The following KDM4C variants were observed in gnomAD, a reference collection of about 807,000 sequenced individuals.
The protein encoded by KDM4C is lysine-specific demethylase 4C.
KDM4C carries 81 observed loss-of-function variants against 129.3 expected under a neutral mutation model. The observed-to-expected ratio is 0.63, with a 90% CI of 0.52 to 0.75. The LOEUF (loss-of-function observed/expected upper bound fraction) is 0.75, where lower values mean the gene tolerates loss of function less well. Among genes scored for constraint, KDM4C ranks in the 30% least tolerant of loss-of-function variants. The probability of loss-of-function intolerance (pLI) is 0.00; values close to 1 mark genes in which losing one functional copy is unlikely to be tolerated. For missense variants in KDM4C, 1,457 were observed against 1,304.0 expected, an observed-to-expected ratio of 1.12 and a Z score of -1.81; for synonymous variants, 573 against 456.1, an observed-to-expected ratio of 1.26 and a Z score of -3.26.
In KDM4C at chr9:7,103,687, A is replaced by G; in HGVS notation, c.2427A>G (p.Lys809=). The G allele has an allele frequency of 6.2e-7, 1 of 1,613,252 alleles. No homozygotes were observed. The highest frequency in any genetic ancestry group is 1.7e-5 in the Admixed American group (1 of 59,970). The part of the protein sequence containing the change: ...GRIPLQRLKL[K]CIFCRHRVKR... ...TCTTCTCTGTTTTAACCTTCCAGAA[A>G]TGCATCTTCTGCAGACACCGGGTTA... The change falls in exon 18 of 22, where the codon AAA becomes AAG. Residue 809 remains lysine, a splice_region_variant and synonymous_variant. Transcript: ENST00000381309.
intron 12 of KDM4C, among the ~76,000 whole-genome samples, chr9:7,008,630 A>G (rs150089139): frequency 3.7e-4 from 57 of 152,278 alleles, no homozygotes; most frequent in African/African-American, 1.3e-3. Flanking sequence ...ATCCCTGTGG[A>G]TGCAGTTGAC....
chr9:6,774,611 G>A (rs1408574554), intron 1 of KDM4C, among the ~76,000 whole-genome samples: 3 of 152,194 alleles, frequency 2.0e-5, no homozygotes, highest in South Asian at 2.1e-4. Context: ...ATTGCAGTAA[G>A]CTGAGACTGT....
intron 19 of KDM4C, among the ~76,000 whole-genome samples, chr9:7,137,352 C>T (rs750847254): frequency 1.1e-4 from 17 of 152,190 alleles, no homozygotes; most frequent in Non-Finnish European, 2.1e-4. Flanking sequence ...AAAATATAAA[C>T]ATTATGAAAA....
intron 18 of KDM4C, chr9:7,104,409 G>C (rs954267077): frequency 2.0e-5 from 3 of 152,478 alleles, no homozygotes; most frequent in African/African-American, 7.2e-5. Context: ...ATATGTGAGG[G>C]ACAGCCTGGG....
At chr9:6,948,773 A>C (rs539053115) in intron 8 of KDM4C, among the ~76,000 whole-genome samples, 3,021 of 152,174 alleles carry the variant, frequency 0.02, 36 homozygotes, top group Middle Eastern at 0.034. Context: ...TGGACACAGC[A>C]CATGTTTCAG....
intron 20 of KDM4C, among the ~76,000 whole-genome samples, chr9:7,166,724 A>G (rs1267050441): frequency 3.3e-5 from 5 of 152,204 alleles, no homozygotes; most frequent in African/African-American, 7.2e-5. Flanking sequence ...TAGCAAAGCC[A>G]TTTGCTACAT....
chr9:7,023,751 T>C (rs2132281669), intron 15 of KDM4C, among the ~76,000 whole-genome samples: 1 of 152,282 alleles, frequency 6.6e-6, no homozygotes, highest in Middle Eastern at 3.4e-3. Flanking sequence ...TTCTTCTTTT[T>C]TTATATAAGC....
chr9:7,032,462 G>T (rs1359859644), intron 15 of KDM4C, among the ~76,000 whole-genome samples: 1 of 152,212 alleles, frequency 6.6e-6, no homozygotes, highest in Non-Finnish European at 1.5e-5. Context: ...CTGCTTTAGA[G>T]AAAGTAGTTT....
At chr9:7,034,204 A>C (rs1827252643) in intron 15 of KDM4C, among the ~76,000 whole-genome samples, 1 of 152,148 alleles carries the variant, frequency 6.6e-6, no homozygotes, top group Non-Finnish European at 1.5e-5. Context: ...TCATTTCTTG[A>C]TGTTGGGAAC....
chr9:7,101,002 T>A (rs1677076905), intron 17 of KDM4C, among the ~76,000 whole-genome samples: 1 of 152,194 alleles, frequency 6.6e-6, no homozygotes, highest in African/African-American at 2.4e-5. Context: ...TGGCACTGTC[T>A]CTTGTTTGTC....
chr9:7,156,708 C>T (rs1843208430), intron 19 of KDM4C, among the ~76,000 whole-genome samples: 1 of 152,268 alleles, frequency 6.6e-6, no homozygotes. Context: ...TTCCATTGGT[C>T]TATATCTCTG....
intron 17 of KDM4C, among the ~76,000 whole-genome samples, chr9:7,066,748 A>G (rs1259938096): frequency 6.6e-6 from 1 of 152,216 alleles, no homozygotes; most frequent in Non-Finnish European, 1.5e-5. Context: ...TAAATAATGC[A>G]GGGATTATAT....
At chr9:7,032,809 T>C (rs1424905474) in intron 15 of KDM4C, among the ~76,000 whole-genome samples, 1 of 152,210 alleles carries the variant, frequency 6.6e-6, no homozygotes, top group Non-Finnish European at 1.5e-5. Flanking sequence ...TGTATTTGAC[T>C]AGTTTTTGTT....
chr9:7,158,101 G>A (rs1054600724), intron 19 of KDM4C, among the ~76,000 whole-genome samples: 2 of 151,998 alleles, frequency 1.3e-5, no homozygotes, highest in Admixed American at 1.3e-4. Flanking sequence ...TTTGTGTCCA[G>A]GAATTTATCC....
intron 18 of KDM4C, among the ~76,000 whole-genome samples, chr9:7,108,237 T>A (rs552160945): frequency 1.3e-5 from 2 of 152,204 alleles, no homozygotes; most frequent in South Asian, 4.1e-4. Flanking sequence ...AATGCTTTTT[T>A]GTTTTTTATT....
intron 1 of KDM4C, among the ~76,000 whole-genome samples, chr9:6,768,347 T>G (rs1821064491): frequency 1.3e-5 from 2 of 152,048 alleles, no homozygotes; most frequent in Admixed American, 1.3e-4. Context: ...ATTTTTTTTT[T>G]TTTTTTAACC....
chr9:6,847,822 T>C (rs1838126513), intron 4 of KDM4C, among the ~76,000 whole-genome samples: 1 of 152,248 alleles, frequency 6.6e-6, no homozygotes, highest in African/African-American at 2.4e-5. Flanking sequence ...TGTTCAGTTA[T>C]GTTACCTGAG....
chr9:7,142,563 A>T (rs187616819), intron 19 of KDM4C, among the ~76,000 whole-genome samples: 4 of 152,362 alleles, frequency 2.6e-5, no homozygotes, highest in Admixed American at 1.3e-4. Context: ...CCGAGTCTTG[A>T]ACATCTCTCA....
rs564778287 is a variant in KDM4C at position 7,165,099 on chromosome 9, A to C, written c.2782-139A>C. 6.1e-5 allele frequency: 60 copies of C among 981,538 alleles called. No homozygotes were observed. In the South Asian group the frequency reaches 1.0e-3, roughly 16 times the overall value. The allele number at this position is 981,538 out of a possible 1,614,324, so 60.8% of individuals were successfully genotyped here. A position where few individuals can be genotyped will look rare whatever the true frequency, so the allele number is the denominator to read the frequency against. ...CCTTTGGCTCATATCTCTTCCCCTGAACACCCATGCGAGATCATAATCCAT... is the reference window on the plus strand; with the variant it reads ...CCTTTGGCTCATATCTCTTCCCCTGCACACCCATGCGAGATCATAATCCAT... On this transcript the variant is annotated intron_variant, in intron 19 of 21. Coordinates refer to ENST00000381309, the MANE Select transcript of KDM4C (RefSeq NM_015061.6).
Sources: gnomAD v4.1 joint callset for allele counts (sites outside exome capture counted in the v4.1 genomes callset) on GRCh38, gnomAD v4.1.1 for gene constraint, MANE v1.5 for transcripts, NCBI Gene and HGNC (gene_info 2026-07-23, HGNC 2026-07-21) for gene names.